The following IREB2 variants were observed in gnomAD, a reference collection of about 807,000 sequenced individuals.
IREB2 encodes the protein iron-responsive element-binding protein 2.
Under a neutral mutation model 118.8 loss-of-function variants are expected in IREB2, and 39 were observed. The observed-to-expected ratio is 0.33, with a 90% CI of 0.25 to 0.43. The LOEUF is 0.43. Among genes scored for constraint, IREB2 ranks in the 20% least tolerant of loss-of-function variants. The pLI is 1.00. For synonymous variants in IREB2, 372 were observed against 392.2 expected (o/e 0.95, Z 0.61); for missense variants, 900 against 1,147.3 (o/e 0.78, Z 3.11).
intron 2 of IREB2, among the ~76,000 whole-genome samples, chr15:78,461,184 G>A (rs1201965279): frequency 6.6e-6 from 1 of 152,042 alleles, no homozygotes; most frequent in African/African-American, 2.4e-5. Flanking sequence ...TTACAAATTG[G>A]CTAACTCACT....
At chr15:78,474,829 G>T (rs2051437938) in intron 8 of IREB2, 1 of 151,702 alleles carries the variant, frequency 6.6e-6, no homozygotes, top group South Asian at 2.1e-4. Flanking sequence ...GCCGAGGCGG[G>T]TGGATCATGA....
chr15:78,470,547 A>T lies in IREB2; in HGVS notation c.645A>T (p.Leu215Phe), dbSNP rs138124168. The T allele has an allele frequency of 1.3e-4, 210 of 1,595,054 alleles. No individual in the cohort carries two copies. Among genetic ancestry groups the T allele is most frequent in the Non-Finnish European group, 1.7e-4 (203 of 1,167,228 alleles). ...LQPVPEPETV[L>F]KNQEVEFGRN... The stretch of plus-strand genomic sequence containing the variant: ...TTCCTTTTAGACCTGAAACAGTGTT[A>T]AAAAATCAAGAAGTAGAATTCGGCA... Residue 215 changes from leucine (L) to phenylalanine (F), a missense_variant, in exon 6 of 22, where the codon TTA (leucine) becomes TTT (phenylalanine). Leu to Phe is a conservative substitution (Grantham distance 22). Coordinates refer to ENST00000258886, the MANE Select transcript of IREB2 (RefSeq NM_004136.4).
At chr15:78,472,540 T>C (rs577260561) in intron 7 of IREB2, among the ~76,000 whole-genome samples, 1 of 152,182 alleles carries the variant, frequency 6.6e-6, no homozygotes, top group Admixed American at 6.5e-5. Flanking sequence ...CTAATTTTTG[T>C]ATTTTTAGTA....
intron 5 of IREB2, 128 bp downstream of exon 5, chr15:78,466,617 TA>T (rs2051287821): frequency 1.6e-6 from 1 of 643,142 alleles, no homozygotes; most frequent in Non-Finnish European, 2.7e-6. Context: ...ATTGAATTTT[TA>T]TATGTATTTC....
chr15:78,490,118 A>G (rs1261734707), intron 16 of IREB2, among the ~76,000 whole-genome samples: 2 of 152,198 alleles, frequency 1.3e-5, no homozygotes, highest in Non-Finnish European at 2.9e-5. Flanking sequence ...GATTTTTTAG[A>G]ACACACTGTT....
chr15:78,453,932 T>A (rs907630545), intron 2 of IREB2, among the ~76,000 whole-genome samples: 1 of 152,352 alleles, frequency 6.6e-6, no homozygotes, highest in Admixed American at 6.5e-5. Context: ...CGTTGATGTT[T>A]TAGGAATTTT....
intron 2 of IREB2, among the ~76,000 whole-genome samples, chr15:78,440,846 T>C (rs1040400799): frequency 6.6e-6 from 1 of 152,174 alleles, no homozygotes; most frequent in Non-Finnish European, 1.5e-5. Context: ...GTCAAACCTT[T>C]CTCTGTGGTC....
chr15:78,469,900 A>T (rs1205562926), intron 5 of IREB2, among the ~76,000 whole-genome samples: 1 of 152,236 alleles, frequency 6.6e-6, no homozygotes, highest in Non-Finnish European at 1.5e-5. Flanking sequence ...TAACTATTAG[A>T]TAAAAATAAT....
chr15:78,462,794 A>G (rs1447133956), intron 2 of IREB2, 128 bp from the exon 3 acceptor site: 5 of 668,880 alleles, frequency 7.5e-6, no homozygotes, highest in Non-Finnish European at 1.2e-5. Context: ...TTGTCAGACT[A>G]AAAATGAATT....
intron 1 of IREB2, among the ~76,000 whole-genome samples, chr15:78,439,316 C>T (rs919037933): frequency 5.9e-5 from 9 of 151,624 alleles, no homozygotes; most frequent in Non-Finnish European, 1.0e-4. Flanking sequence ...TGTAAAAATC[C>T]GTCTTTTAGT....
intron 12 of IREB2, 101 bp downstream of exon 12, chr15:78,485,021 A>G (rs1047944614): frequency 1.5e-5 from 15 of 1,031,174 alleles, no homozygotes; most frequent in East Asian, 7.3e-5. Context: ...GAGTGTCTAC[A>G]TTTGATATTG....
chr15:78,476,505 T>A, intron 9 of IREB2, 146 bp downstream of exon 9: 1 of 569,434 alleles, frequency 1.8e-6, no homozygotes, highest in Non-Finnish European at 3.0e-6. Flanking sequence ...AAACATCAGA[T>A]GTCTTTAAAG....
intron 6 of IREB2, 68 bp from the exon 7 acceptor site, chr15:78,471,673 T>A (rs73461597): frequency 2.2e-6 from 2 of 929,990 alleles, no homozygotes; most frequent in Non-Finnish European, 3.1e-6. Context: ...ATGTTAATAT[T>A]ACACCTTGAT....
intron 16 of IREB2, 87 bp downstream of exon 16, chr15:78,488,858 A>G: frequency 2.7e-6 from 2 of 748,068 alleles, no homozygotes; most frequent in Non-Finnish European, 4.1e-6. Flanking sequence ...ATAAAAATTA[A>G]AATTACATTA....
Position 78,462,775 on chromosome 15 carries a change from C to T in IREB2, c.107-147C>T, listed in dbSNP as rs571838841. 8.9e-6 allele frequency: 5 copies of T among 560,838 alleles called. No individual in the cohort carries two copies. In the East Asian group the frequency reaches 9.2e-5, roughly 10 times the overall value. 34.7% of individuals were successfully genotyped at this position (560,838 alleles called of 1,614,324 possible). A position where few individuals can be genotyped will look rare whatever the true frequency, so the allele number is the denominator to read the frequency against. The stretch of plus-strand genomic sequence containing the variant: ...CCTGATGTTAACACGAATGGTGTTA[C>T]ACTCTAGTTTGTCAGACTAAAAATG... On this transcript the variant is annotated intron_variant, in intron 2 of 21. Coordinates refer to ENST00000258886, the MANE Select transcript of IREB2 (RefSeq NM_004136.4).
At chr15:78,478,428 A>C (rs1413543697) in intron 10 of IREB2, 31 bp downstream of exon 10, 44 of 1,314,690 alleles carry the variant, frequency 3.3e-5, no homozygotes, top group Non-Finnish European at 4.5e-5. Context: ...CTCGTAGCAA[A>C]GAGTGTAAAT....
intron 2 of IREB2, among the ~76,000 whole-genome samples, chr15:78,447,896 A>G (rs1470855392): frequency 2.0e-5 from 3 of 152,140 alleles, no homozygotes; most frequent in Non-Finnish European, 1.5e-5. Flanking sequence ...TCCCTGTGCC[A>G]CTGGCCAGAC....
Position 78,478,082 on chromosome 15 carries a change from A to T in IREB2, c.1196-215A>T, listed in dbSNP as rs766671511. Among the ~76,000 whole-genome samples the T allele has an allele frequency of 5.5e-4, 66 of 119,112 alleles. No individual in the cohort carries two copies. In the Middle Eastern group the frequency reaches 0.012, roughly 22 times the overall value. The allele number at this position is 119,112 out of a possible 152,430, so 78.1% of individuals were successfully genotyped here. A position where few individuals can be genotyped will look rare whatever the true frequency, so the allele number is the denominator to read the frequency against. ...CACCCCATCTGTACAAAACATTTGTAAAAAAAAAAAAAAAAAATTAACCAG... is the reference window on the plus strand; with the variant it reads ...CACCCCATCTGTACAAAACATTTGTTAAAAAAAAAAAAAAAAATTAACCAG... On this transcript the variant is annotated intron_variant, in intron 9 of 21. Transcript: ENST00000258886.
intron 9 of IREB2, among the ~76,000 whole-genome samples, chr15:78,478,020 G>A (rs369639417): frequency 1.6e-3 from 236 of 149,338 alleles, no homozygotes; most frequent in African/African-American, 5.5e-3. Context: ...CTGAGAGTTC[G>A]AAACCAACCT....
Sources: allele counts gnomAD v4.1 joint callset (sites outside exome capture counted in the v4.1 genomes callset), GRCh38; gene constraint gnomAD v4.1.1; transcripts MANE v1.5; gene names NCBI Gene and HGNC (gene_info 2026-07-23, HGNC 2026-07-21).